CLSTN2: variants seen among roughly 807,000 people sequenced by gnomAD.
CLSTN2 encodes calsyntenin-2.
CLSTN2 carries 48 observed loss-of-function variants against 101.2 expected under a neutral mutation model. That is an observed-to-expected ratio of 0.47 (90% CI 0.38 to 0.60). The LOEUF is 0.60. CLSTN2 is among the 20% of genes least tolerant of loss of function. CLSTN2 has a pLI of 0.00. For missense variants in CLSTN2, 1,160 were observed against 1,238.2 expected (o/e 0.94, Z 0.95); for synonymous variants, 481 against 463.6 (o/e 1.04, Z -0.48).
intron 4 of CLSTN2, among the ~76,000 whole-genome samples, chr3:140,410,370 A>G (rs2088349599): frequency 6.6e-6 from 1 of 151,674 alleles, no homozygotes; most frequent in Admixed American, 6.6e-5. Flanking sequence ...TGCAGGCCAG[A>G]AAATAATAGA....
At chr3:140,329,229 A>G (rs963035043) in intron 2 of CLSTN2, among the ~76,000 whole-genome samples, 6 of 152,192 alleles carry the variant, frequency 3.9e-5, no homozygotes, top group African/African-American at 1.4e-4. Flanking sequence ...TCTACTGAAA[A>G]TACAAAAAAG....
intron 10 of CLSTN2, among the ~76,000 whole-genome samples, chr3:140,551,767 T>A (rs555982459): frequency 6.6e-6 from 1 of 150,702 alleles, no homozygotes; most frequent in South Asian, 2.1e-4. Context: ...CTTGTAGTGA[T>A]GTTGTAAGAA....
chr3:140,445,117 T>G (rs549978258), intron 5 of CLSTN2, among the ~76,000 whole-genome samples: 1 of 152,320 alleles, frequency 6.6e-6, no homozygotes, highest in Admixed American at 6.5e-5. Flanking sequence ...CCAAAGCAAC[T>G]GGCAATTGTG....
intron 2 of CLSTN2, among the ~76,000 whole-genome samples, chr3:140,286,924 A>C (rs181848556): frequency 6.6e-6 from 1 of 152,150 alleles, no homozygotes; most frequent in Non-Finnish European, 1.5e-5. Flanking sequence ...GAGGTCCTGG[A>C]AAGTCTAGGT....
At chr3:140,069,356 C>G (rs2008353662) in intron 1 of CLSTN2, among the ~76,000 whole-genome samples, 1 of 152,160 alleles carries the variant, frequency 6.6e-6, no homozygotes, top group Non-Finnish European at 1.5e-5. Context: ...GACACCAAGA[C>G]ACCAGATCAA....
chr3:140,365,147 A>T (rs2087771724), intron 2 of CLSTN2, among the ~76,000 whole-genome samples: 2 of 152,228 alleles, frequency 1.3e-5, no homozygotes, highest in Non-Finnish European at 2.9e-5. Flanking sequence ...ACCAACCCTC[A>T]GCAAGGACTA....
Position 139,935,553 on chromosome 3 carries a change from G to T in CLSTN2, c.109+70G>T. Reference sequence around the variant, plus strand: ...GCAGGCTTGAGGGTGAAAGCGGCAAGGACCTAGGCTCAAGCTGGATTTGCC... The same window carrying T: ...GCAGGCTTGAGGGTGAAAGCGGCAATGACCTAGGCTCAAGCTGGATTTGCC... On this transcript the variant is annotated intron_variant, in intron 1 of 16. Coordinates refer to ENST00000458420, the MANE Select transcript of CLSTN2 (RefSeq NM_022131.3). This position sits in a 1 kb window ranked among gnomAD's most constrained non-coding sequence, Gnocchi z 5.5. 3 of 800,586 alleles carry T rather than the reference G, an allele frequency of 3.7e-6. No individual in the cohort carries two copies. Among genetic ancestry groups the T allele is most frequent in the Non-Finnish European group, 5.0e-6 (3 of 594,130 alleles). The allele number at this position is 800,586 out of a possible 1,614,324, so 49.6% of individuals were successfully genotyped here. A position where few individuals can be genotyped will look rare whatever the true frequency, so the allele number is the denominator to read the frequency against.
chr3:140,535,391 TAGC>T (rs1226973724), intron 9 of CLSTN2, among the ~76,000 whole-genome samples: 1 of 152,236 alleles, frequency 6.6e-6, no homozygotes, highest in African/African-American at 2.4e-5. Context: ...ACTCCATAAA[TAGC>T]TGCTCTACTA....
At position 140,558,767 on chromosome 3, in the gene CLSTN2, G is replaced by C. The variant is rs192974178; in HGVS notation, c.1951G>C (p.Glu651Gln). 1.7e-5 allele frequency: 28 copies of C among 1,614,108 alleles called. No homozygotes were observed. In the Admixed American group the frequency reaches 3.7e-4, roughly 21 times the overall value. Residue 651 changes from glutamate (E) to glutamine (Q), a missense_variant, in exon 12 of 17, where the codon GAA (glutamate) becomes CAA (glutamine). By Grantham distance (29) the Glu-to-Gln change is conservative. Transcript: ENST00000458420. Reference sequence around the variant, plus strand: ...CTTCTGGAGACCTGCTGCCCAGTTTGAAAGTGCCAGGGGAGTGACCCTCTT... The same window carrying C: ...CTTCTGGAGACCTGCTGCCCAGTTTCAAAGTGCCAGGGGAGTGACCCTCTT... ...DHFWRPAAQFESARGVTLFPD... is the reference protein window; with the variant it reads ...DHFWRPAAQFQSARGVTLFPD...
At chr3:140,486,049 C>T (rs1181544665) in intron 8 of CLSTN2, among the ~76,000 whole-genome samples, 1 of 152,016 alleles carries the variant, frequency 6.6e-6, no homozygotes, top group Non-Finnish European at 1.5e-5. Flanking sequence ...ACACCGAGAG[C>T]TGTAGAATGG....
intron 8 of CLSTN2, among the ~76,000 whole-genome samples, chr3:140,492,044 T>C (rs532087513): frequency 6.6e-6 from 1 of 152,192 alleles, no homozygotes; most frequent in South Asian, 2.1e-4. Context: ...GTTATCCAAA[T>C]GGCCAATAAA....
At chr3:140,067,489 G>A (rs1310021813) in intron 1 of CLSTN2, among the ~76,000 whole-genome samples, 1 of 152,172 alleles carries the variant, frequency 6.6e-6, no homozygotes, top group Non-Finnish European at 1.5e-5. Flanking sequence ...CACAAAGGCT[G>A]TTACATAAAT....
At chr3:140,089,784 G>A (rs1280068124) in intron 1 of CLSTN2, among the ~76,000 whole-genome samples, 1 of 150,886 alleles carries the variant, frequency 6.6e-6, no homozygotes, top group Admixed American at 6.6e-5. Flanking sequence ...CCTATTTTTT[G>A]TATTTTTAGT....
intron 1 of CLSTN2, among the ~76,000 whole-genome samples, chr3:140,155,286 G>C (rs1465119772): frequency 2.0e-5 from 3 of 152,154 alleles, no homozygotes; most frequent in African/African-American, 7.2e-5. Flanking sequence ...TTACTGTGTT[G>C]GTGTAGGAAT....
intron 8 of CLSTN2, among the ~76,000 whole-genome samples, chr3:140,474,845 C>T (rs917564217): frequency 2.0e-5 from 3 of 152,110 alleles, no homozygotes; most frequent in Non-Finnish European, 4.4e-5. Flanking sequence ...AGTGTTATCA[C>T]CCCTAGGAGC....
chr3:140,466,946 T>C (rs1933721057), intron 8 of CLSTN2, among the ~76,000 whole-genome samples: 1 of 152,194 alleles, frequency 6.6e-6, no homozygotes, highest in African/African-American at 2.4e-5. Flanking sequence ...GCTTCCCAGC[T>C]GGGATGCTGC....
At chr3:140,099,802 T>C (rs1311124903) in intron 1 of CLSTN2, among the ~76,000 whole-genome samples, 1 of 152,152 alleles carries the variant, frequency 6.6e-6, no homozygotes, top group Non-Finnish European at 1.5e-5. Context: ...CTGAAGAAAA[T>C]GGCAGTCACA....
intron 1 of CLSTN2, among the ~76,000 whole-genome samples, chr3:140,175,336 A>G (rs2010306815): frequency 6.6e-6 from 1 of 152,208 alleles, no homozygotes; most frequent in African/African-American, 2.4e-5. Flanking sequence ...TAAGTTACCA[A>G]TAATTTAGAC....
intron 1 of CLSTN2, among the ~76,000 whole-genome samples, chr3:140,113,479 G>A (rs1560098651): frequency 6.6e-6 from 1 of 152,202 alleles, no homozygotes; most frequent in Non-Finnish European, 1.5e-5. Flanking sequence ...GCCGTCTCAG[G>A]CCTGTGCCCT....
Sources: allele counts gnomAD v4.1 joint callset (sites outside exome capture counted in the v4.1 genomes callset), GRCh38; gene constraint gnomAD v4.1.1; non-coding constraint Gnocchi (gnomAD v3.1); transcripts MANE v1.5; gene names NCBI Gene and HGNC (gene_info 2026-07-23, HGNC 2026-07-21).